Variants in ADGRL4 observed in about 807,000 individuals in gnomAD.
ADGRL4 encodes the protein adhesion G protein-coupled receptor L4.
Under a neutral mutation model 74.8 loss-of-function variants are expected in ADGRL4, and 90 were observed. The ratio of observed to expected loss-of-function variants is 1.20; its 90% CI spans 1.02 to 1.43. The LOEUF (loss-of-function observed/expected upper bound fraction) is 1.43. Ranked by LOEUF, ADGRL4 falls within the 40% of genes most tolerant of loss-of-function variation. ADGRL4 has a pLI of 0.00. For missense variants in ADGRL4, 881 were observed against 814.3 expected (o/e 1.08, Z -1.00); for synonymous variants, 311 against 279.2 (o/e 1.11, Z -1.14).
chr1:78,937,256 C>A (rs1440879904), intron 6 of ADGRL4, among the ~76,000 whole-genome samples: 1 of 152,050 alleles, frequency 6.6e-6, no homozygotes, highest in East Asian at 1.9e-4. Flanking sequence ...ACCAGCCTGG[C>A]CAACATGGTG....
At chr1:78,900,584 T>C (rs1648496228) in intron 12 of ADGRL4, among the ~76,000 whole-genome samples, 2 of 152,290 alleles carry the variant, frequency 1.3e-5, no homozygotes, top group South Asian at 4.1e-4. Context: ...GATTGAATCA[T>C]GGGGGCAGAC....
At chr1:78,894,771 A>C (rs1648359751) in intron 12 of ADGRL4, among the ~76,000 whole-genome samples, 1 of 151,924 alleles carries the variant, frequency 6.6e-6, no homozygotes, top group Non-Finnish European at 1.5e-5. Context: ...ATTTATATTG[A>C]TCTTGCTATC....
intron 12 of ADGRL4, among the ~76,000 whole-genome samples, chr1:78,909,190 A>G (rs1218612861): frequency 6.6e-6 from 1 of 151,994 alleles, no homozygotes; most frequent in Non-Finnish European, 1.5e-5. Flanking sequence ...TGTTGATGCC[A>G]TTATCCATAA....
intron 12 of ADGRL4, among the ~76,000 whole-genome samples, chr1:78,898,987 C>A (rs988747340): frequency 6.6e-6 from 1 of 152,104 alleles, no homozygotes; most frequent in Admixed American, 6.6e-5. Context: ...CAAAATCAGA[C>A]TTCAAAATGA....
intron 2 of ADGRL4, among the ~76,000 whole-genome samples, chr1:78,979,641 A>C (rs1650360924): frequency 6.6e-6 from 1 of 151,968 alleles, no homozygotes; most frequent in Admixed American, 6.6e-5. Context: ...GAGATATAGA[A>C]CCAATCTAAG....
chr1:78,921,221 A>G (rs1648992388), intron 9 of ADGRL4, among the ~76,000 whole-genome samples: 1 of 151,500 alleles, frequency 6.6e-6, no homozygotes, highest in Non-Finnish European at 1.5e-5. Context: ...GCTAATACTT[A>G]TTGCCCAACT....
intron 2 of ADGRL4, among the ~76,000 whole-genome samples, chr1:78,981,242 T>C (rs1278066521): frequency 4.0e-5 from 6 of 151,636 alleles, no homozygotes; most frequent in Non-Finnish European, 8.8e-5. Context: ...ATGAAATCAA[T>C]AGATAACAAA....
Position 78,945,177 on chromosome 1 carries a change from A to AAAAAAAAAAAAATATAT in ADGRL4, c.325+1096_325+1097insATATATTTTTTTTTTTT, listed in dbSNP as rs376405445. 2.7e-4 allele frequency among the ~76,000 whole-genome samples: 35 copies of AAAAAAAAAAAAATATAT among 127,916 alleles called. No homozygotes were observed. The East Asian group carries it at 2.8e-3, about 10-fold the overall frequency. 83.9% of individuals were successfully genotyped at this position (127,916 alleles called of 152,430 possible). ...GAGACTCTGTCTCAAAAAAAAAAAA[A>AAAAAAAAAAAAATATAT]ATATATATATATATATATATCTCAA... On this transcript the variant is annotated intron_variant, in intron 3 of 14. Coordinates refer to ENST00000370742, the MANE Select transcript of ADGRL4 (RefSeq NM_022159.4).
At chr1:78,936,445 A>G (rs371818016) in intron 6 of ADGRL4, 34 bp from the exon 7 acceptor site, 77 of 1,510,380 alleles carry the variant, frequency 5.1e-5, no homozygotes, top group Non-Finnish European at 5.4e-6. Context: ...AAAAAGTGAA[A>G]TTACTTTAAT....
intron 2 of ADGRL4, among the ~76,000 whole-genome samples, chr1:78,982,891 T>C (rs1650424149): frequency 6.6e-6 from 1 of 151,880 alleles, no homozygotes; most frequent in South Asian, 2.1e-4. Flanking sequence ...GAAAAAATTG[T>C]CTAAAGTTAG....
chr1:78,928,629 G>C (rs3919969), intron 7 of ADGRL4, among the ~76,000 whole-genome samples: 9,045 of 151,328 alleles, frequency 0.06, 404 homozygotes, highest in South Asian at 0.097. Flanking sequence ...ACCAGAGATA[G>C]CCTTCAATTT....
chr1:79,004,133 A>G (rs1650909448), intron 2 of ADGRL4, among the ~76,000 whole-genome samples: 1 of 152,146 alleles, frequency 6.6e-6, no homozygotes, highest in Non-Finnish European at 1.5e-5. Context: ...AATATTAACA[A>G]TATACAATAT....
intron 2 of ADGRL4, among the ~76,000 whole-genome samples, chr1:78,972,868 G>A (rs898752342): frequency 2.0e-5 from 3 of 152,116 alleles, no homozygotes; most frequent in African/African-American, 7.2e-5. Flanking sequence ...GCATATCCCA[G>A]TCTGCACCAA....
intron 2 of ADGRL4, among the ~76,000 whole-genome samples, chr1:78,954,772 A>G (rs1002576975): frequency 6.6e-6 from 1 of 152,124 alleles, no homozygotes; most frequent in South Asian, 2.1e-4. Context: ...TAAACACAAC[A>G]TTTTAGCTTA....
intron 12 of ADGRL4, 65 bp from the exon 13 acceptor site, chr1:78,893,254 A>G (rs1648327573): frequency 1.1e-6 from 1 of 935,982 alleles, no homozygotes. Flanking sequence ...ATATAAAGAA[A>G]ATAAATGGTA....
At position 79,006,630 on chromosome 1, in the gene ADGRL4, C is replaced by A; in HGVS notation, c.22+3G>T. On this transcript the variant is annotated splice_donor_region_variant and intron_variant, in intron 1 of 14. Transcript: ENST00000370742. ...TCGGCGACCAGGGGCGCTGAGCACT[C>A]ACCTAGGAGCGGGAGGCGTTTCATT... 1 of 1,527,014 alleles carries A rather than the reference C, an allele frequency of 6.5e-7. No individual in the cohort carries two copies. The highest frequency in any genetic ancestry group is 1.4e-5 in the African/African-American group (1 of 69,886). 94.6% of individuals were successfully genotyped at this position (1,527,014 alleles called of 1,614,324 possible).
chr1:78,982,782 A>T (rs1218494403), intron 2 of ADGRL4, among the ~76,000 whole-genome samples: 1 of 151,850 alleles, frequency 6.6e-6, no homozygotes, highest in Non-Finnish European at 1.5e-5. Flanking sequence ...TAGGGGTGTA[A>T]AACAAAACCT....
At chr1:78,898,515 T>A (rs1013930505) in intron 12 of ADGRL4, among the ~76,000 whole-genome samples, 1 of 152,050 alleles carries the variant, frequency 6.6e-6, no homozygotes, top group Non-Finnish European at 1.5e-5. Context: ...TGTCTCATTT[T>A]TTTTTTTTTA....
rs141283039 is a variant in ADGRL4, at chr1:78,996,463, C to A, written c.172+8607G>T. Among the ~76,000 whole-genome samples the A allele has an allele frequency of 2.6e-3, 399 of 152,242 alleles. 3 individuals carry two copies. The highest frequency in any genetic ancestry group is 9.2e-3 in the African/African-American group (384 of 41,548). ...TCATAGCAGGATATCAATGGATATT[C>A]CTTAAACATAAACTGAGAAGTGAAG... On this transcript the variant is annotated intron_variant, in intron 2 of 14. Transcript: ENST00000370742.
Sources: allele counts gnomAD v4.1 joint callset (sites outside exome capture counted in the v4.1 genomes callset), GRCh38; gene constraint gnomAD v4.1.1; transcripts MANE v1.5; gene names NCBI Gene and HGNC (gene_info 2026-07-23, HGNC 2026-07-21).